The following RNPEPL1 variants were observed in gnomAD, a reference collection of about 807,000 sequenced individuals.
The protein encoded by RNPEPL1 is arginyl aminopeptidase like 1.
In RNPEPL1, 46 loss-of-function variants were observed where a neutral mutation model predicts 69.0. That is an observed-to-expected ratio of 0.67 (90% CI 0.53 to 0.85). RNPEPL1 has a LOEUF of 0.85. Ranked by LOEUF, RNPEPL1 falls within the 40% of genes least tolerant of loss-of-function variation. The pLI is 0.00. For missense variants in RNPEPL1, 869 were observed against 992.5 expected, an observed-to-expected ratio of 0.88 and a Z score of 1.67; for synonymous variants, 525 against 454.1, an observed-to-expected ratio of 1.16 and a Z score of -1.98.
At position 240,576,767 on chromosome 2, in the gene RNPEPL1, T is replaced by C. The variant is rs1575438990; in HGVS notation, c.1741+2T>C. On this transcript the variant is annotated splice_donor_variant, in intron 9 of 10. Coordinates refer to ENST00000270357, the MANE Select transcript of RNPEPL1 (RefSeq NM_018226.6). LOFTEE classifies it high-confidence loss of function. Reference sequence around the variant, plus strand: ...TGGATGGGTCCCCGCTGCCGCAGGGTGAGTCCCTGCAGCTGATGGGGGCGG... The same window carrying C: ...TGGATGGGTCCCCGCTGCCGCAGGGCGAGTCCCTGCAGCTGATGGGGGCGG... The C allele has an allele frequency of 1.2e-6, 2 of 1,612,522 alleles. No homozygotes were observed. Among genetic ancestry groups the C allele is most frequent in the Non-Finnish European group, 1.7e-6 (2 of 1,179,684 alleles).
chr2:240,581,219 T>C lies in RNPEPL1; in HGVS notation c.*3327T>C, dbSNP rs987825417. 1 of 151,896 alleles carries C rather than the reference T, an allele frequency of 6.6e-6. No homozygotes were observed. Among genetic ancestry groups the C allele is most frequent in the Non-Finnish European group, 1.5e-5 (1 of 67,996 alleles). The allele number at this position is 151,896 out of a possible 1,614,324, so 9.4% of individuals were successfully genotyped here. ...GAAAAGGACTTTAGAACACATATAA[T>C]CAAAATCTCAGACCTAAAGACGACT... is the stretch of plus-strand genomic sequence containing the variant. On this transcript the variant is annotated 3_prime_UTR_variant, in exon 11 of 11. Coordinates refer to ENST00000270357, the MANE Select transcript of RNPEPL1 (RefSeq NM_018226.6).
At position 240,579,443 on chromosome 2, in the gene RNPEPL1, T is replaced by C. The variant is rs2093047330; in HGVS notation, c.*1551T>C. The C allele has an allele frequency of 6.6e-6, 1 of 151,532 alleles. No individual in the cohort carries two copies. The highest frequency in any genetic ancestry group is 1.5e-5 in the Non-Finnish European group (1 of 67,962). The allele number at this position is 151,532 out of a possible 1,614,324, so 9.4% of individuals were successfully genotyped here. On this transcript the variant is annotated 3_prime_UTR_variant, in exon 11 of 11. Transcript: ENST00000270357. ...CTGGGGCCGTCTCTACATGTGTTGCTTCATGTACCTTCTTCACATCAGGTC... is the reference window on the plus strand; with the variant it reads ...CTGGGGCCGTCTCTACATGTGTTGCCTCATGTACCTTCTTCACATCAGGTC...
At chr2:240,573,933 G>A (rs1015635413) in intron 4 of RNPEPL1, 42 bp downstream of exon 4, 3 of 1,540,568 alleles carry the variant, frequency 1.9e-6, no homozygotes, top group Non-Finnish European at 2.7e-6. Context: ...CTGGAAGGAG[G>A]AGTCAGAGGG....
At position 240,576,673 on chromosome 2, in the gene RNPEPL1, C is replaced by T. The variant is rs776556272; in HGVS notation, c.1649C>T (p.Ala550Val). Residue 550 changes from alanine to valine, a missense_variant, in exon 9 of 11, where the codon GCC becomes GTC. By Grantham distance (64) the Ala-to-Val change is moderately conservative. This residue lies in a region of RNPEPL1 where 610 missense variants were observed against 790.9 expected (regional missense o/e 0.77). Transcript: ENST00000270357. Reference sequence around the variant, plus strand: ...GCAGAACCTCTGGACCAGGCAGCTGCCTCGGCCAGCGCCATTGACATCTCC... The same window carrying T: ...GCAGAACCTCTGGACCAGGCAGCTGTCTCGGCCAGCGCCATTGACATCTCC... ...WTAEPLDQAAASASAIDISKW... is the reference protein window; with the variant it reads ...WTAEPLDQAAVSASAIDISKW... 1 of 1,613,032 alleles carries T rather than the reference C, an allele frequency of 6.2e-7. No individual in the cohort carries two copies.
At chr2:240,569,279 C>T (rs2093014462) in intron 1 of RNPEPL1, 165 bp downstream of exon 1, 2 of 747,992 alleles carry the variant, frequency 2.7e-6, no homozygotes, top group African/African-American at 3.8e-5. Context: ...TTAGGACCCT[C>T]GGATAGAAGC....
Position 240,576,621 on chromosome 2 carries a change from G to A in RNPEPL1, c.1597G>A (p.Val533Met), listed in dbSNP as rs772380875. Residue 533 changes from valine (V) to methionine (M), a missense_variant, in exon 9 of 11, where the codon GTG becomes ATG. Around this residue, in one of 2 missense-constraint regions of RNPEPL1, gnomAD observed 610 missense variants for 790.9 expected, o/e 0.77. Transcript: ENST00000270357. The part of the protein sequence containing the change: ...LSQGSSLTRP[V>M]EALFQLWTAE... ...TCAGGGATCCAGCCTGACCCGGCCCGTGGAGGCCCTTTTCCAGCTGTGGAC... is the reference window on the plus strand; with the variant it reads ...TCAGGGATCCAGCCTGACCCGGCCCATGGAGGCCCTTTTCCAGCTGTGGAC... 1.9e-6 allele frequency: 3 copies of A among 1,612,930 alleles called. No homozygotes were observed. The highest frequency in any genetic ancestry group is 2.2e-5 in the South Asian group (2 of 91,096).
rs1358087918 is a variant in RNPEPL1 at position 240,581,222 on chromosome 2, A to G, written c.*3330A>G. ...AAGGACTTTAGAACACATATAATCA[A>G]AATCTCAGACCTAAAGACGACTTTT... is the stretch of plus-strand genomic sequence containing the variant. On this transcript the variant is annotated 3_prime_UTR_variant, in exon 11 of 11. Coordinates refer to ENST00000270357, the MANE Select transcript of RNPEPL1 (RefSeq NM_018226.6). 1 of 152,226 alleles carries G rather than the reference A, an allele frequency of 6.6e-6. No individual in the cohort carries two copies. The highest frequency in any genetic ancestry group is 2.4e-5 in the African/African-American group (1 of 41,440). 9.4% of individuals were successfully genotyped at this position (152,226 alleles called of 1,614,324 possible).
chr2:240,576,441 G>C, intron 8 of RNPEPL1, 94 bp from the exon 9 acceptor site: 1 of 1,232,612 alleles, frequency 8.1e-7, no homozygotes, highest in Middle Eastern at 2.4e-4. Flanking sequence ...CACCTGCCTG[G>C]AACACACTCA....
intron 1 of RNPEPL1, among the ~76,000 whole-genome samples, chr2:240,571,262 G>T (rs1441711268): frequency 6.6e-6 from 1 of 152,200 alleles, no homozygotes; most frequent in African/African-American, 2.4e-5. Flanking sequence ...GCTGGCAGGG[G>T]TCTGGCCGGG....
At chr2:240,577,508 GGGCAGGAGGGCCGCCTGGCCGGGCT>G in intron 10 of RNPEPL1, 66 bp from the exon 11 acceptor site, 2 of 1,404,698 alleles carry the variant, frequency 1.4e-6, no homozygotes, top group Non-Finnish European at 1.9e-6. Flanking sequence ...GGGAAGCCAG[GGGCAGGAGGGCCGCCTGGCCGGGCT>G]GGCAGGGTGG....
Position 240,568,640 on chromosome 2 carries a change from C to T in RNPEPL1, c.54C>T (p.Val18=), listed in dbSNP as rs941684594. Residue 18 remains valine, a synonymous_variant, in exon 1 of 11, where the codon GTC becomes GTT. Coordinates refer to ENST00000270357, the MANE Select transcript of RNPEPL1 (RefSeq NM_018226.6). This position sits in a 1 kb window ranked among gnomAD's most constrained non-coding sequence, Gnocchi z 6.2. The part of the protein sequence containing the change: ...RQAPGAEAAP[V]RPPPEPPPAL... The stretch of plus-strand genomic sequence containing the variant: ...CGCCCGGCGCCGAGGCCGCGCCCGT[C>T]CGCCCGCCGCCCGAGCCGCCGCCCG... 2.5e-5 allele frequency: 25 copies of T among 1,003,500 alleles called. No individual in the cohort carries two copies. The highest frequency in any genetic ancestry group is 2.8e-5 in the Non-Finnish European group (24 of 845,638). The allele number at this position is 1,003,500 out of a possible 1,614,324, so 62.2% of individuals were successfully genotyped here.
Position 240,574,077 on chromosome 2 carries a change from C to T in RNPEPL1, c.939-36C>T, listed in dbSNP as rs768319711. The T allele has an allele frequency of 8.8e-6, 14 of 1,583,648 alleles. No homozygotes were observed. The Admixed American group carries it at 2.2e-4, about 25-fold the overall frequency. On this transcript the variant is annotated intron_variant, in intron 4 of 10. Coordinates refer to ENST00000270357, the MANE Select transcript of RNPEPL1 (RefSeq NM_018226.6). ...GGTGTGCAGGGTGGGAGTCTGAGCCCCGAGGTCTGCCACCCTCACCGCCCT... is the reference window on the plus strand; with the variant it reads ...GGTGTGCAGGGTGGGAGTCTGAGCCTCGAGGTCTGCCACCCTCACCGCCCT...
At position 240,572,492 on chromosome 2, in the gene RNPEPL1, G is replaced by A. The variant is rs1191597490; in HGVS notation, c.598G>A (p.Val200Met). ...KPFVFTQGHS[V>M]CNRSFFPCFD... ...CTTCGTCTTCACCCAGGGCCACTCC[G>A]TGTGCAACCGCTCCTTCTTCCCGTG... Residue 200 changes from valine (V) to methionine (M), a missense_variant, in exon 2 of 11, where the codon GTG becomes ATG. Val to Met is a conservative substitution (Grantham distance 21). This residue lies in a region of RNPEPL1 where 610 missense variants were observed against 790.9 expected (regional missense o/e 0.77). Transcript: ENST00000270357. 2.6e-6 allele frequency: 4 copies of A among 1,536,144 alleles called. No individual in the cohort carries two copies. Among genetic ancestry groups the A allele is most frequent in the Non-Finnish European group, 1.7e-6 (2 of 1,146,886 alleles).
intron 4 of RNPEPL1, 86 bp from the exon 5 acceptor site, chr2:240,574,027 C>A: frequency 7.0e-7 from 1 of 1,428,874 alleles, no homozygotes; most frequent in Non-Finnish European, 9.6e-7. Flanking sequence ...TGGGCTGATC[C>A]CTGCTGGGTG....
Position 240,579,323 on chromosome 2 carries a change from C to T in RNPEPL1, c.*1431C>T, listed in dbSNP as rs1157920223. ...GTCCCCAGTCACCAAATGTCCCACT[C>T]ACCCTCCTTCCTGTTCTGGATGCCC... On this transcript the variant is annotated 3_prime_UTR_variant, in exon 11 of 11. Transcript: ENST00000270357. The T allele has an allele frequency of 1.3e-5, 2 of 152,268 alleles. No homozygotes were observed. The highest frequency in any genetic ancestry group is 2.9e-5 in the Non-Finnish European group (2 of 68,124). The allele number at this position is 152,268 out of a possible 1,614,324, so 9.4% of individuals were successfully genotyped here.
Position 240,576,578 on chromosome 2 carries a change from G to A in RNPEPL1, c.1554G>A (p.Leu518=), listed in dbSNP as rs1314613473. The change falls in exon 9 of 11, where the codon CTG becomes CTA. Residue 518 remains leucine, a synonymous_variant. Transcript: ENST00000270357. ...GGCTCAATGCCACAGGCCCGCCGCT[G>A]GCTGAGCCGGACCTGTCTCAGGGAT... ...ERWLNATGPP[L]AEPDLSQGSS... 1.9e-6 allele frequency: 3 copies of A among 1,612,838 alleles called. No individual in the cohort carries two copies. The highest frequency in any genetic ancestry group is 1.7e-6 in the Non-Finnish European group (2 of 1,179,998).
chr2:240,568,839 C>A lies in RNPEPL1; in HGVS notation c.253C>A (p.Leu85Met). 8.5e-7 allele frequency: 1 copy of A among 1,177,394 alleles called. No homozygotes were observed. 72.9% of individuals were successfully genotyped at this position (1,177,394 alleles called of 1,614,324 possible). A position where few individuals can be genotyped will look rare whatever the true frequency, so the allele number is the denominator to read the frequency against. Residue 85 changes from leucine (L) to methionine (M), a missense_variant, in exon 1 of 11, where the codon CTG becomes ATG. Transcript: ENST00000270357. The surrounding 1 kb of genome is among the most constrained non-coding windows in gnomAD (Gnocchi z 6.2). The part of the protein sequence containing the change: ...LVLDAHPALR[L>M]HSAAFRRAPA... ...GCTCGACGCGCACCCGGCTCTGCGCCTGCACTCAGCCGCCTTCCGTCGCGC... is the reference window on the plus strand; with the variant it reads ...GCTCGACGCGCACCCGGCTCTGCGCATGCACTCAGCCGCCTTCCGTCGCGC...
rs528921062 is a variant in RNPEPL1 at position 240,570,601 on chromosome 2, T to C, written c.528+1487T>C. On this transcript the variant is annotated intron_variant, in intron 1 of 10. Coordinates refer to ENST00000270357, the MANE Select transcript of RNPEPL1 (RefSeq NM_018226.6). Reference sequence around the variant, plus strand: ...CAGGGAGGATGCAGCGGAAGCTCCCTGGGAGGCCCTGCCAGTGGGCCCCAG... The same window carrying C: ...CAGGGAGGATGCAGCGGAAGCTCCCCGGGAGGCCCTGCCAGTGGGCCCCAG... 4.6e-5 allele frequency among the ~76,000 whole-genome samples: 7 copies of C among 152,298 alleles called. No homozygotes were observed. The South Asian group carries it at 1.4e-3, about 32-fold the overall frequency.
At chr2:240,572,621 C>A in intron 2 of RNPEPL1, 58 bp downstream of exon 2, 1 of 1,528,276 alleles carries the variant, frequency 6.5e-7, no homozygotes. Flanking sequence ...GGCCTGGCCA[C>A]GCCGCCTCCC....
Sources: allele counts gnomAD v4.1 joint callset (sites outside exome capture counted in the v4.1 genomes callset), GRCh38; gene constraint gnomAD v4.1.1; regional missense constraint gnomAD v4.1.1; non-coding constraint Gnocchi (gnomAD v3.1); transcripts MANE v1.5; gene names NCBI Gene and HGNC (gene_info 2026-07-23, HGNC 2026-07-21).